Variants in LARP4 observed in about 807,000 individuals in gnomAD.
LARP4 encodes La ribonucleoprotein 4, also known as la-related protein 4.
A neutral mutation model predicts 92.9 loss-of-function variants in LARP4; 29 were observed. The observed-to-expected ratio is 0.31, with a 90% confidence interval of 0.23 to 0.43. The LOEUF is 0.43. LARP4 is among the 20% of genes least tolerant of loss of function. The pLI is 1.00. For missense variants in LARP4, 732 were observed against 860.0 expected, an observed-to-expected ratio of 0.85 and a Z score of 1.86; for synonymous variants, 279 against 284.1, an observed-to-expected ratio of 0.98 and a Z score of 0.18.
chr12:50,444,686 C>T (rs1269282888), intron 8 of LARP4, among the ~76,000 whole-genome samples: 1 of 152,046 alleles, frequency 6.6e-6, no homozygotes, highest in Non-Finnish European at 1.5e-5. Flanking sequence ...GAAGTGATGA[C>T]GTTGGAGGAA....
At chr12:50,425,270 G>A (rs958760709) in intron 1 of LARP4, among the ~76,000 whole-genome samples, 5 of 152,106 alleles carry the variant, frequency 3.3e-5, no homozygotes, top group African/African-American at 9.7e-5. Context: ...CCCTTTCACT[G>A]TATCTTTTTC....
chr12:50,457,653 AC>A (rs1319547983), intron 10 of LARP4, among the ~76,000 whole-genome samples: 1 of 152,070 alleles, frequency 6.6e-6, no homozygotes, highest in Non-Finnish European at 1.5e-5. Flanking sequence ...GTCTCTACTG[AC>A]AATATAAAAA....
At chr12:50,447,928 C>T (rs10747580) in intron 8 of LARP4, among the ~76,000 whole-genome samples, 107,842 of 151,944 alleles carry the variant, frequency 0.71, 44,375 homozygotes, top group Non-Finnish European at 0.93. Flanking sequence ...ACTGCAGTGA[C>T]GCAATCTCAG....
At chr12:50,405,044 C>T (rs1466085964) in intron 1 of LARP4, among the ~76,000 whole-genome samples, 2 of 151,738 alleles carry the variant, frequency 1.3e-5, no homozygotes, top group South Asian at 2.1e-4. Flanking sequence ...GCATGTGCCA[C>T]CATGCCTGGC....
At position 50,413,923 on chromosome 12, in the gene LARP4, C is replaced by T. The variant is rs945268237; in HGVS notation, c.18+12895C>T. ...TATTTTATAGATGAACTACAGTTCA[C>T]CTCTATGGTAGGATGTTTATAAAAT... On this transcript the variant is annotated intron_variant, in intron 1 of 15. Transcript: ENST00000398473. Among the ~76,000 whole-genome samples the T allele has an allele frequency of 3.3e-5, 5 of 152,240 alleles. No homozygotes were observed. In the East Asian group the frequency reaches 5.8e-4, roughly 18 times the overall value.
intron 13 of LARP4, among the ~76,000 whole-genome samples, chr12:50,467,753 G>A (rs1035808751): frequency 1.3e-5 from 2 of 152,102 alleles, no homozygotes; most frequent in African/African-American, 4.8e-5. Flanking sequence ...ATGTCTAGAG[G>A]CTGAGATGCC....
chr12:50,449,026 G>A (rs927897526), intron 8 of LARP4, among the ~76,000 whole-genome samples: 3 of 151,792 alleles, frequency 2.0e-5, no homozygotes, highest in Non-Finnish European at 4.4e-5. Flanking sequence ...GATCACATGA[G>A]GCCAGGAGTT....
In LARP4 at chr12:50,475,618, C is replaced by T. The variant is rs966291936; in HGVS notation, c.1929C>T (p.Ser643=). The change falls in exon 16 of 16, where the codon TCC becomes TCT. Residue 643 remains serine (S), a synonymous_variant. Transcript: ENST00000398473. Reference sequence around the variant, plus strand: ...TGCAGCCACTACGGGAACTTCGCTCCAATGTGGTGTCTCCCACCAAAAATG... The same window carrying T: ...TGCAGCCACTACGGGAACTTCGCTCTAATGTGGTGTCTCCCACCAAAAATG... The part of the protein sequence containing the change: ...VLVQPLRELR[S]NVVSPTKNED... The T allele has an allele frequency of 6.2e-7, 1 of 1,614,090 alleles. No individual in the cohort carries two copies. The highest frequency in any genetic ancestry group is 8.5e-7 in the Non-Finnish European group (1 of 1,180,020).
intron 8 of LARP4, among the ~76,000 whole-genome samples, chr12:50,442,487 C>A (rs563997257): frequency 6.6e-6 from 1 of 152,338 alleles, no homozygotes; most frequent in East Asian, 1.9e-4. Flanking sequence ...TTTTTCCCCC[C>A]CTTAACAATC....
rs188759564 is a variant in LARP4 at position 50,469,528 on chromosome 12, C to T, written c.1545+2408C>T. ...CTGAGGCAGGAGAATGGCATGAACC[C>T]GGGAGGCAGAGCTTGCAGTGACCTG... On this transcript the variant is annotated intron_variant, in intron 13 of 15. Coordinates refer to ENST00000398473, the MANE Select transcript of LARP4 (RefSeq NM_052879.5). 2.0e-3 allele frequency among the ~76,000 whole-genome samples: 288 copies of T among 143,108 alleles called. 3 individuals are homozygous for T. Among genetic ancestry groups the T allele is most frequent in the African/African-American group, 4.9e-3 (193 of 39,550 alleles). The allele number at this position is 143,108 out of a possible 152,430, so 93.9% of individuals were successfully genotyped here. A position where few individuals can be genotyped will look rare whatever the true frequency, so the allele number is the denominator to read the frequency against.
In LARP4 at chr12:50,428,555, A is replaced by C. The variant is rs941806843; in HGVS notation, c.167-380A>C. Among the ~76,000 whole-genome samples the C allele has an allele frequency of 3.9e-5, 6 of 152,156 alleles. No individual in the cohort carries two copies. In the East Asian group the frequency reaches 1.2e-3, roughly 29 times the overall value. Reference sequence around the variant, plus strand: ...TATAAATTAGTTTTTATCTACCATCATTGACTCTGCTATTTACTCACTGTT... The same window carrying C: ...TATAAATTAGTTTTTATCTACCATCCTTGACTCTGCTATTTACTCACTGTT... On this transcript the variant is annotated intron_variant, in intron 2 of 15. Transcript: ENST00000398473.
At chr12:50,440,845 C>T (rs541506407) in intron 7 of LARP4, among the ~76,000 whole-genome samples, 2 of 151,040 alleles carry the variant, frequency 1.3e-5, no homozygotes, top group African/African-American at 4.9e-5. Flanking sequence ...AATAGGTCTG[C>T]AATAAACAAA....
intron 5 of LARP4, among the ~76,000 whole-genome samples, chr12:50,437,482 A>G (rs188961411): frequency 1.6e-3 from 241 of 152,332 alleles, no homozygotes; most frequent in Non-Finnish European, 2.5e-3. Flanking sequence ...CCCTGAAGGC[A>G]GTGCCAAACT....
Position 50,400,911 on chromosome 12 carries a change from G to A in LARP4, c.-100G>A, listed in dbSNP as rs1592655874. 2 of 1,543,730 alleles carry A rather than the reference G, an allele frequency of 1.3e-6. No individual in the cohort carries two copies. The highest frequency in any genetic ancestry group is 2.2e-5 in the East Asian group (1 of 44,536). On this transcript the variant is annotated 5_prime_UTR_variant, in exon 1 of 16. Transcript: ENST00000398473. ...GCCGGGTCCACTGCCGGGTGGAGGG[G>A]CAAGGCGAGTGTGTGTCCTTATCCT...
At chr12:50,439,847 T>A (rs963330184) in intron 6 of LARP4, among the ~76,000 whole-genome samples, 5 of 152,360 alleles carry the variant, frequency 3.3e-5, no homozygotes, top group Admixed American at 3.3e-4. Context: ...GTCACCCTTT[T>A]TCTGAATCCA....
At chr12:50,401,531 A>G (rs1943848096) in intron 1 of LARP4, among the ~76,000 whole-genome samples, 1 of 152,212 alleles carries the variant, frequency 6.6e-6, no homozygotes, top group Non-Finnish European at 1.5e-5. Flanking sequence ...ACTTCCACCA[A>G]ATTCTGCCCG....
In LARP4 at chr12:50,455,471, G is replaced by A. The variant is rs554949983; in HGVS notation, c.1121+1054G>A. 2.0e-5 allele frequency among the ~76,000 whole-genome samples: 3 copies of A among 152,210 alleles called. No homozygotes were observed. The East Asian group carries it at 5.8e-4, about 29-fold the overall frequency. On this transcript the variant is annotated intron_variant, in intron 10 of 15. Transcript: ENST00000398473. ...TCGTTTGCTGTTTTGTGAGACTCTT[G>A]GTTTTTGAGGGTTTTTCCTAATGGT...
chr12:50,437,515 G>GT (rs1488104830), intron 5 of LARP4, among the ~76,000 whole-genome samples: 1 of 152,080 alleles, frequency 6.6e-6, no homozygotes, highest in African/African-American at 2.4e-5. Context: ...TACTCTGAAT[G>GT]TTTTTTCAAT....
chr12:50,417,700 T>A (rs1947067272), intron 1 of LARP4, among the ~76,000 whole-genome samples: 1 of 152,228 alleles, frequency 6.6e-6, no homozygotes, highest in Non-Finnish European at 1.5e-5. Flanking sequence ...TATTAATTAA[T>A]AATTTATATT....
Sources: gnomAD v4.1 joint callset for allele counts (sites outside exome capture counted in the v4.1 genomes callset) on GRCh38, gnomAD v4.1.1 for gene constraint, MANE v1.5 for transcripts, NCBI Gene and HGNC (gene_info 2026-07-23, HGNC 2026-07-21) for gene names.